Variants in SPMIP6 observed in about 807,000 individuals in gnomAD.
SPMIP6 encodes the protein ciliated bronchial epithelial protein 1.
the SPMIP6 span, among the ~76,000 whole-genome samples, chr9:34,389,657 G>A: frequency 1.3e-5 from 2 of 152,244 alleles, no homozygotes; most frequent in East Asian, 3.9e-4. Flanking sequence ...TGAGAACCAC[G>A]CCCGGTGGCA....
the SPMIP6 span, chr9:34,379,790 C>T: frequency 7.3e-7 from 1 of 1,365,874 alleles, no homozygotes; most frequent in South Asian, 1.2e-5. The surrounding 1 kb of genome is among the most constrained non-coding windows in gnomAD (Gnocchi z 4.2). Context: ...TCTCATCCCC[C>T]GATTTAGACC....
the SPMIP6 span, among the ~76,000 whole-genome samples, chr9:34,384,498 G>C: frequency 2.0e-5 from 3 of 152,188 alleles, no homozygotes; most frequent in African/African-American, 7.2e-5. Flanking sequence ...GTAGAGAGTG[G>C]TCAGAAGAGT....
the SPMIP6 span, among the ~76,000 whole-genome samples, chr9:34,387,229 GGACTCAA>G: frequency 6.6e-6 from 1 of 152,018 alleles, no homozygotes; most frequent in Admixed American, 6.6e-5. Flanking sequence ...TTGAACTCCT[GGACTCAA>G]GGGATCTTCC....
At chr9:34,385,813 G>A in the SPMIP6 span, 11 of 1,600,860 alleles carry the variant, frequency 6.9e-6, no homozygotes, top group South Asian at 7.8e-5. Context: ...AAGTGGTTAG[G>A]GGCACAGAGA....
At chr9:34,381,298 T>G in the SPMIP6 span, 1 of 1,606,382 alleles carries the variant, frequency 6.2e-7, no homozygotes, top group East Asian at 2.2e-5. The surrounding 1 kb of genome is among the most constrained non-coding windows in gnomAD (Gnocchi z 4.4). Context: ...CAGGTACCCA[T>G]CCCGCCCTCC....
the SPMIP6 span, among the ~76,000 whole-genome samples, chr9:34,395,522 G>T: frequency 6.6e-6 from 1 of 151,790 alleles, no homozygotes; most frequent in Non-Finnish European, 1.5e-5. Context: ...ATTCTCCAAA[G>T]TTATGTCCTT....
chr9:34,379,136 G>A, the SPMIP6 span: 1 of 1,613,928 alleles, frequency 6.2e-7, no homozygotes, highest in East Asian at 2.2e-5. This position sits in a 1 kb window ranked among gnomAD's most constrained non-coding sequence, Gnocchi z 4.2. Flanking sequence ...TAACATAGTT[G>A]TTTCTCTGGG....
the SPMIP6 span, chr9:34,385,535 C>CAAA: frequency 0.026 from 7,672 of 293,974 alleles, 139 homozygotes; most frequent in African/African-American, 0.1. Context: ...AACTCCGTCT[C>CAAA]AAAAAAAAAA....
the SPMIP6 span, chr9:34,379,509 T>C: frequency 1.3e-6 from 1 of 799,532 alleles, no homozygotes; most frequent in East Asian, 2.6e-5. This position sits in a 1 kb window ranked among gnomAD's most constrained non-coding sequence, Gnocchi z 4.2. Context: ...TCCATGCCAC[T>C]AGCTCCCCCT....
At chr9:34,390,841 T>G in the SPMIP6 span, among the ~76,000 whole-genome samples, 1 of 152,062 alleles carries the variant, frequency 6.6e-6, no homozygotes, top group African/African-American at 2.4e-5. Context: ...AGGCTGGTCT[T>G]GAACTCCTGG....
At chr9:34,383,027 G>T in the SPMIP6 span, among the ~76,000 whole-genome samples, 1 of 152,178 alleles carries the variant, frequency 6.6e-6, no homozygotes. Flanking sequence ...GCCTACACTT[G>T]TCTTAAACAC....
At chr9:34,385,922 C>T in the SPMIP6 span, 1 of 738,102 alleles carries the variant, frequency 1.4e-6, no homozygotes, top group Non-Finnish European at 2.2e-6. Flanking sequence ...AGAGGGATTC[C>T]CATGCTAGCC....
At chr9:34,381,675 C>T in the SPMIP6 span, 7 of 1,403,158 alleles carry the variant, frequency 5.0e-6, no homozygotes, top group African/African-American at 1.4e-5. This position sits in a 1 kb window ranked among gnomAD's most constrained non-coding sequence, Gnocchi z 4.4. Context: ...GGTTTGGCTC[C>T]TGGGCCTGTG....
the SPMIP6 span, among the ~76,000 whole-genome samples, chr9:34,387,151 C>G: frequency 2.6e-4 from 39 of 152,124 alleles, no homozygotes; most frequent in Admixed American, 2.0e-3. Flanking sequence ...CCTCAGCCTC[C>G]CAGGCATGTG....
the SPMIP6 span, among the ~76,000 whole-genome samples, chr9:34,395,912 G>C: frequency 6.6e-6 from 1 of 152,168 alleles, no homozygotes; most frequent in African/African-American, 2.4e-5. Context: ...TATTTTGCTT[G>C]TGGAAATGTA....
chr9:34,395,299 CT>C, the SPMIP6 span, among the ~76,000 whole-genome samples: 1 of 152,180 alleles, frequency 6.6e-6, no homozygotes, highest in African/African-American at 2.4e-5. Context: ...TGCTATCTGA[CT>C]TTCACTCCTC....
chr9:34,388,926 C>G, the SPMIP6 span, among the ~76,000 whole-genome samples: 10 of 107,300 alleles, frequency 9.3e-5, no homozygotes, highest in Non-Finnish European at 1.3e-4. Context: ...TCTTTCCTCT[C>G]TCTTTCTTTT....
the SPMIP6 span, among the ~76,000 whole-genome samples, chr9:34,386,629 G>A: frequency 1.3e-5 from 2 of 151,402 alleles, no homozygotes; most frequent in Admixed American, 1.3e-4. Context: ...CTGCAACCTG[G>A]CCCTGATTCT....
chr9:34,395,328 T>G, the SPMIP6 span, among the ~76,000 whole-genome samples: 1 of 152,240 alleles, frequency 6.6e-6, no homozygotes, highest in Non-Finnish European at 1.5e-5. Context: ...ATTGAAGCTG[T>G]CTGGCTAAGT....
Sources: allele counts gnomAD v4.1 joint callset (sites outside exome capture counted in the v4.1 genomes callset), GRCh38; gene constraint gnomAD v4.1.1; non-coding constraint Gnocchi (gnomAD v3.1); transcripts MANE v1.5; gene names NCBI Gene and HGNC (gene_info 2026-07-23, HGNC 2026-07-21).